Variants in CNTNAP2 observed in about 807,000 individuals in gnomAD.
CNTNAP2 encodes the protein contactin-associated protein-like 2.
Under a neutral mutation model 155.2 loss-of-function variants are expected in CNTNAP2, and 98 were observed. That is an observed-to-expected ratio of 0.63 (90% CI 0.54 to 0.75). The LOEUF (loss-of-function observed/expected upper bound fraction) is 0.75, where lower values mean the gene tolerates loss of function less well. CNTNAP2 is among the 30% of genes least tolerant of loss of function. CNTNAP2 has a pLI of 0.00. For synonymous variants in CNTNAP2, 651 were observed against 631.2 expected (o/e 1.03, Z -0.47); for missense variants, 1,727 against 1,688.1 (o/e 1.02, Z -0.40).
chr7:147,129,283 A>G (rs1801301341), intron 7 of CNTNAP2, among the ~76,000 whole-genome samples: 1 of 152,226 alleles, frequency 6.6e-6, no homozygotes, highest in South Asian at 2.1e-4. Context: ...TTGTTTGAAT[A>G]TGTAAATAAA....
chr7:148,040,542 G>C (rs1326238042), intron 15 of CNTNAP2, among the ~76,000 whole-genome samples: 2 of 152,182 alleles, frequency 1.3e-5, no homozygotes, highest in Non-Finnish European at 2.9e-5. Context: ...CATTTCAGTA[G>C]ATGTTGACTG....
chr7:146,555,233 A>G (rs1047399316), intron 1 of CNTNAP2, among the ~76,000 whole-genome samples: 3 of 152,182 alleles, frequency 2.0e-5, no homozygotes, highest in South Asian at 2.1e-4. Flanking sequence ...CAACTGCTAC[A>G]TCAGCAATTC....
At chr7:146,816,129 T>C (rs1477522983) in intron 2 of CNTNAP2, among the ~76,000 whole-genome samples, 1 of 152,172 alleles carries the variant, frequency 6.6e-6, no homozygotes, top group Non-Finnish European at 1.5e-5. Flanking sequence ...CCATGGTGTA[T>C]ATGTGCCACG....
intron 1 of CNTNAP2, among the ~76,000 whole-genome samples, chr7:146,454,237 T>G (rs1202052948): frequency 6.6e-6 from 1 of 152,210 alleles, no homozygotes; most frequent in Non-Finnish European, 1.5e-5. Context: ...GTTATAGATA[T>G]TTTTTAAACC....
Position 146,548,381 on chromosome 7 carries a change from G to A in CNTNAP2, c.98-225890G>A, listed in dbSNP as rs113513594. Among the ~76,000 whole-genome samples, 910 of 152,090 alleles carry A rather than the reference G, an allele frequency of 6.0e-3. 6 individuals carry two copies. Among genetic ancestry groups the A allele is most frequent in the Middle Eastern group, 0.014 (4 of 294 alleles). ...CTGGTCTATCGCAGATGGGCATTTA[G>A]GTTGATTCCAGGTCTTTGCTTTTGT... On this transcript the variant is annotated intron_variant, in intron 1 of 23. Coordinates refer to ENST00000361727, the MANE Select transcript of CNTNAP2 (RefSeq NM_014141.6).
chr7:147,102,267 G>A, intron 4 of CNTNAP2, among the ~76,000 whole-genome samples: 1 of 101,018 alleles, frequency 9.9e-6, no homozygotes, highest in East Asian at 2.1e-4. Flanking sequence ...GTCGCTAAAT[G>A]TAGGTAGGCA....
rs545725620 is a variant in CNTNAP2 at position 146,623,751 on chromosome 7, A to G, written c.98-150520A>G. ...TGTACATAAGTTTTCAATTCAGTTGAGTAAATACCTAGCATTTTAATTGTG... is the reference window on the plus strand; with the variant it reads ...TGTACATAAGTTTTCAATTCAGTTGGGTAAATACCTAGCATTTTAATTGTG... On this transcript the variant is annotated intron_variant, in intron 1 of 23. Transcript: ENST00000361727. Among the ~76,000 whole-genome samples the G allele has an allele frequency of 2.0e-5, 3 of 152,290 alleles. No individual in the cohort carries two copies. The South Asian group carries it at 6.2e-4, about 32-fold the overall frequency.
At chr7:147,442,202 G>A (rs562639798) in intron 10 of CNTNAP2, among the ~76,000 whole-genome samples, 159 of 152,256 alleles carry the variant, frequency 1.0e-3, no homozygotes, top group Non-Finnish European at 1.8e-3. Context: ...CTGCAGCTGA[G>A]CTGGCACTCA....
intron 8 of CNTNAP2, among the ~76,000 whole-genome samples, chr7:147,198,979 T>G (rs1802865831): frequency 6.9e-6 from 1 of 144,844 alleles, no homozygotes; most frequent in Non-Finnish European, 1.5e-5. Context: ...TTTTTTTTTT[T>G]GAGACAGAAT....
chr7:147,664,394 T>G (rs1403465061), intron 13 of CNTNAP2, among the ~76,000 whole-genome samples: 1 of 152,210 alleles, frequency 6.6e-6, no homozygotes, highest in African/African-American at 2.4e-5. Context: ...CTGTGAGGTA[T>G]GCAAGGTCTT....
At chr7:147,766,519 G>A (rs548291818) in intron 13 of CNTNAP2, among the ~76,000 whole-genome samples, 7 of 152,214 alleles carry the variant, frequency 4.6e-5, no homozygotes, top group East Asian at 3.9e-4. Context: ...TCTGGTATCC[G>A]TGAGGGAGAG....
intron 15 of CNTNAP2, among the ~76,000 whole-genome samples, chr7:147,979,517 A>G (rs1440015489): frequency 6.6e-6 from 1 of 152,212 alleles, no homozygotes; most frequent in African/African-American, 2.4e-5. Flanking sequence ...CTAATTCTGA[A>G]GTTAGCTTTG....
At chr7:146,151,682 G>GTATATATATATATATGTA (rs1271837030) in intron 1 of CNTNAP2, among the ~76,000 whole-genome samples, 7 of 74,140 alleles carry the variant, frequency 9.4e-5, no homozygotes, top group Admixed American at 2.0e-4. Flanking sequence ...ATATATATAT[G>GTATATATATATATATGTA]TATATATATA....
chr7:146,586,374 A>G (rs909151660), intron 1 of CNTNAP2, among the ~76,000 whole-genome samples: 2 of 152,206 alleles, frequency 1.3e-5, no homozygotes, highest in Admixed American at 1.3e-4. Context: ...AAAGTGTAAT[A>G]AATTACAAAC....
chr7:147,390,492 C>T (rs756818043), intron 9 of CNTNAP2, among the ~76,000 whole-genome samples: 3 of 152,128 alleles, frequency 2.0e-5, no homozygotes, highest in Non-Finnish European at 4.4e-5. Context: ...GAGCCACAAT[C>T]AGCTGATGAC....
chr7:148,039,474 T>C (rs536171020), intron 15 of CNTNAP2, among the ~76,000 whole-genome samples: 1 of 152,174 alleles, frequency 6.6e-6, no homozygotes, highest in African/African-American at 2.4e-5. Flanking sequence ...TTTTACCAAC[T>C]CTCCAGGTAT....
At chr7:147,251,949 G>A (rs561145110) in intron 8 of CNTNAP2, among the ~76,000 whole-genome samples, 3 of 152,192 alleles carry the variant, frequency 2.0e-5, no homozygotes, top group African/African-American at 7.2e-5. Context: ...ATGGATATAT[G>A]AGTTTGGGGA....
chr7:146,730,742 T>C (rs1801511084), intron 1 of CNTNAP2, among the ~76,000 whole-genome samples: 1 of 152,224 alleles, frequency 6.6e-6, no homozygotes, highest in South Asian at 2.1e-4. Context: ...TCTGTTTCAT[T>C]GACTTAGTGA....
chr7:148,292,355 G>A (rs1027105134), intron 21 of CNTNAP2, among the ~76,000 whole-genome samples: 4 of 152,182 alleles, frequency 2.6e-5, no homozygotes, highest in Non-Finnish European at 5.9e-5. Context: ...AATTATGGAC[G>A]TAATGTAGAA....
Sources: gnomAD v4.1 joint callset for allele counts (sites outside exome capture counted in the v4.1 genomes callset) on GRCh38, gnomAD v4.1.1 for gene constraint, MANE v1.5 for transcripts, NCBI Gene and HGNC (gene_info 2026-07-23, HGNC 2026-07-21) for gene names.